ATP10B: variants seen among roughly 807,000 people sequenced by gnomAD.
The protein encoded by ATP10B is phospholipid-transporting ATPase VB.
In ATP10B, 122 loss-of-function variants were observed where a neutral mutation model predicts 141.2. The observed-to-expected ratio is 0.86, with a 90% CI of 0.75 to 1.00. The LOEUF (loss-of-function observed/expected upper bound fraction) is 1.00, where lower values mean the gene tolerates loss of function less well. Ranked by LOEUF, ATP10B falls within the 50% of genes least tolerant of loss-of-function variation. ATP10B has a pLI of 0.00. For synonymous variants in ATP10B, 685 were observed against 692.0 expected, an observed-to-expected ratio of 0.99 and a Z score of 0.16; for missense variants, 1,876 against 1,825.3, an observed-to-expected ratio of 1.03 and a Z score of -0.51.
intron 2 of ATP10B, among the ~76,000 whole-genome samples, chr5:160,727,395 G>A (rs143362986): frequency 3.3e-5 from 5 of 152,244 alleles, no homozygotes; most frequent in Non-Finnish European, 4.4e-5. Flanking sequence ...CGCATTTCCC[G>A]GTATGCTTTG....
the ATP10B span, among the ~76,000 whole-genome samples, chr5:160,868,582 T>G: frequency 6.7e-6 from 1 of 149,034 alleles, no homozygotes. Context: ...TGCAACTATA[T>G]CTCTCTGACC....
the ATP10B span, among the ~76,000 whole-genome samples, chr5:160,887,701 C>A: frequency 6.6e-6 from 1 of 152,164 alleles, no homozygotes; most frequent in Non-Finnish European, 1.5e-5. Context: ...GGATCACAAA[C>A]CCTCCTGAGG....
the ATP10B span, among the ~76,000 whole-genome samples, chr5:160,869,385 A>C: frequency 6.6e-6 from 1 of 152,108 alleles, no homozygotes; most frequent in Non-Finnish European, 1.5e-5. Context: ...GTATAGCTAA[A>C]CATAAATATT....
chr5:160,830,779 A>G (rs1775016104), intron 1 of ATP10B, among the ~76,000 whole-genome samples: 1 of 152,124 alleles, frequency 6.6e-6, no homozygotes, highest in Non-Finnish European at 1.5e-5. Context: ...AGCAAATATA[A>G]TGGAATCTAG....
chr5:160,750,470 T>C (rs1182093858), intron 2 of ATP10B, among the ~76,000 whole-genome samples: 2 of 152,200 alleles, frequency 1.3e-5, no homozygotes, highest in African/African-American at 4.8e-5. Context: ...CTTTCACCCA[T>C]AATAACTATT....
chr5:160,878,491 C>T, the ATP10B span, among the ~76,000 whole-genome samples: 4 of 151,958 alleles, frequency 2.6e-5, no homozygotes, highest in Admixed American at 6.6e-5. Flanking sequence ...ACTTCATGTC[C>T]AAAACACCAA....
chr5:160,874,623 T>C, the ATP10B span, among the ~76,000 whole-genome samples: 7 of 151,948 alleles, frequency 4.6e-5, no homozygotes, highest in South Asian at 2.1e-4. Flanking sequence ...GGCAAAGAAG[T>C]TGAAAACTTT....
At chr5:160,730,073 T>TC (rs1260259045) in intron 2 of ATP10B, among the ~76,000 whole-genome samples, 8 of 152,138 alleles carry the variant, frequency 5.3e-5, no homozygotes, top group African/African-American at 1.4e-4. Flanking sequence ...CCAAGCACCA[T>TC]CACTTAAAAA....
chr5:160,619,340 T>C (rs1758192173), intron 15 of ATP10B, among the ~76,000 whole-genome samples: 1 of 152,214 alleles, frequency 6.6e-6, no homozygotes. Flanking sequence ...GTGACTTCTA[T>C]TGAAGGCATC....
chr5:160,725,668 A>C (rs1313388673), intron 2 of ATP10B, among the ~76,000 whole-genome samples: 1 of 152,116 alleles, frequency 6.6e-6, no homozygotes, highest in African/African-American at 2.4e-5. Flanking sequence ...GATGGTCTCG[A>C]TCTCCTGACC....
At chr5:160,698,991 A>G (rs571045369) in intron 3 of ATP10B, among the ~76,000 whole-genome samples, 4 of 152,192 alleles carry the variant, frequency 2.6e-5, no homozygotes, top group Non-Finnish European at 5.9e-5. Context: ...TGCACTCTTC[A>G]CCAGCTCCTA....
intron 1 of ATP10B, among the ~76,000 whole-genome samples, chr5:160,808,296 C>A (rs73308008): frequency 0.037 from 5,612 of 152,154 alleles, 115 homozygotes; most frequent in South Asian, 0.065. Flanking sequence ...AATGAATTTG[C>A]GATTTTATTA....
At position 160,649,200 on chromosome 5, in the gene ATP10B, G is replaced by A. The variant is rs751550639; in HGVS notation, c.732C>T (p.Asn244=). The change falls in exon 8 of 26, where the codon AAC becomes AAT. Residue 244 remains asparagine, a synonymous_variant. Transcript: ENST00000327245. ...FHNTIVCEKP[N]NHLNKFKGYM... is the part of the protein sequence containing the mutation. ...AACCCTTAAATTTGTTGAGGTGGTTGTTGGGTTTCTCACACACGATGGTAT... is the reference window on the plus strand; with the variant it reads ...AACCCTTAAATTTGTTGAGGTGGTTATTGGGTTTCTCACACACGATGGTAT... 2.5e-6 allele frequency: 4 copies of A among 1,613,804 alleles called. No individual in the cohort carries two copies. In the South Asian group the frequency reaches 3.3e-5, roughly 13 times the overall value.
At chr5:160,916,417 C>G in the ATP10B span, among the ~76,000 whole-genome samples, 1 of 150,102 alleles carries the variant, frequency 6.7e-6, no homozygotes, top group South Asian at 2.1e-4. Context: ...TAGATAGCTT[C>G]CCAGGGTAAG....
chr5:160,612,418 T>C (rs1009069769), intron 18 of ATP10B: 7 of 198,548 alleles, frequency 3.5e-5, no homozygotes. Flanking sequence ...GCAAGAGACT[T>C]AGCCCCAGTA....
At chr5:160,622,033 C>T (rs1245457512) in intron 14 of ATP10B, among the ~76,000 whole-genome samples, 3 of 152,156 alleles carry the variant, frequency 2.0e-5, no homozygotes, top group African/African-American at 7.2e-5. Flanking sequence ...GGTCCTGCCT[C>T]ATAGAGTTGC....
At chr5:160,759,739 C>T (rs1262873665) in intron 2 of ATP10B, among the ~76,000 whole-genome samples, 1 of 152,226 alleles carries the variant, frequency 6.6e-6, no homozygotes, top group East Asian at 1.9e-4. Context: ...CTCATGCAAA[C>T]TTTTCATTCC....
chr5:160,622,715 A>G (rs1758415511), intron 13 of ATP10B, 130 bp from the exon 14 acceptor site: 1 of 856,028 alleles, frequency 1.2e-6, no homozygotes, highest in Non-Finnish European at 1.8e-6. Context: ...TTCCTCTCCC[A>G]CAGGTCTGGC....
chr5:160,697,589 A>G (rs1764443160), intron 3 of ATP10B, among the ~76,000 whole-genome samples: 1 of 132,654 alleles, frequency 7.5e-6, no homozygotes, highest in Admixed American at 7.8e-5. Context: ...TTAAGAAGAA[A>G]TGTATGCAGG....
Sources: gnomAD v4.1 joint callset for allele counts (sites outside exome capture counted in the v4.1 genomes callset) on GRCh38, gnomAD v4.1.1 for gene constraint, MANE v1.5 for transcripts, NCBI Gene and HGNC (gene_info 2026-07-23, HGNC 2026-07-21) for gene names.